Variants in HCLS1 observed in about 807,000 individuals in gnomAD.
The protein encoded by HCLS1 is hematopoietic cell-specific Lyn substrate 1, also known as hematopoietic lineage cell-specific protein.
Under a neutral mutation model 68.6 loss-of-function variants are expected in HCLS1, and 44 were observed. The ratio of observed to expected loss-of-function variants is 0.64; its 90% CI spans 0.50 to 0.82. HCLS1 has a LOEUF of 0.82. HCLS1 is among the 40% of genes least tolerant of loss of function. The pLI, the probability that HCLS1 is intolerant of heterozygous loss-of-function variation, is 0.00. For missense variants in HCLS1, 602 were observed against 612.1 expected, an observed-to-expected ratio of 0.98 and a Z score of 0.17; for synonymous variants, 217 against 225.8, an observed-to-expected ratio of 0.96 and a Z score of 0.35.
At chr3:121,638,108 C>A (rs1209995641) in intron 6 of HCLS1, among the ~76,000 whole-genome samples, 2 of 152,070 alleles carry the variant, frequency 1.3e-5, no homozygotes, top group African/African-American at 2.4e-5. Context: ...TAGAGTCTTG[C>A]TCTTTTGCTC....
chr3:121,648,267 G>A (rs1217902232), intron 3 of HCLS1, among the ~76,000 whole-genome samples: 4 of 152,122 alleles, frequency 2.6e-5, no homozygotes, highest in Non-Finnish European at 5.9e-5. Flanking sequence ...TTGATTTGAA[G>A]GGACACCTCT....
intron 11 of HCLS1, 23 bp downstream of exon 11, chr3:121,633,044 A>T: frequency 1.3e-6 from 2 of 1,508,922 alleles, no homozygotes; most frequent in Non-Finnish European, 1.8e-6. Context: ...GTGGGGGCAG[A>T]GAATCTTTGG....
chr3:121,660,122 C>T (rs1937960213), intron 1 of HCLS1, among the ~76,000 whole-genome samples: 1 of 152,184 alleles, frequency 6.6e-6, no homozygotes, highest in East Asian at 1.9e-4. Context: ...GACTAAGCCT[C>T]TGAGGGACCA....
intron 3 of HCLS1, chr3:121,657,049 TA>T (rs1937888461): frequency 4.7e-6 from 2 of 426,804 alleles, no homozygotes; most frequent in African/African-American, 2.0e-5. Context: ...TTGTTAGGTA[TA>T]AAAGATAGAT....
intron 7 of HCLS1, 49 bp downstream of exon 7, chr3:121,637,096 AG>A (rs1560138261): frequency 8.0e-7 from 1 of 1,249,272 alleles, no homozygotes; most frequent in South Asian, 1.2e-5. Context: ...AAAGGAAGGA[AG>A]GAGATCCCTG....
Position 121,634,412 on chromosome 3 carries a change from C to T in HCLS1, c.698G>A (p.Ser233Asn), listed in dbSNP as rs1268860206. 3.7e-6 allele frequency: 6 copies of T among 1,613,950 alleles called. No individual in the cohort carries two copies. Among genetic ancestry groups the T allele is most frequent in the Non-Finnish European group, 5.1e-6 (6 of 1,179,900 alleles). The change falls in exon 10 of 14, where the codon AGT (serine) becomes AAT (asparagine). Residue 233 changes from serine to asparagine, a missense_variant. Transcript: ENST00000314583. ...KKTTPIEAAS[S>N]GTRGLKAKFE... Reference sequence around the variant, plus strand: ...TTTCGCCTTCAGCCCACGGGTACCACTAGAAGCTGCAGACACAGGCAAGAA... The same window carrying T: ...TTTCGCCTTCAGCCCACGGGTACCATTAGAAGCTGCAGACACAGGCAAGAA...
Position 121,644,820 on chromosome 3 carries a change from T to C in HCLS1, c.397A>G (p.Lys133Glu). 1 of 1,609,636 alleles carries C rather than the reference T, an allele frequency of 6.2e-7. No homozygotes were observed. Among genetic ancestry groups the C allele is most frequent in the South Asian group, 1.1e-5 (1 of 90,978 alleles). ...KYGVERDRAD[K>E]SAVGFDYKGE... ...TGGGAGAGAGAGTGGTCACTTACCT[T>C]GTCTGCCCTGTCCCTCTCAACTCCG... The change falls in exon 5 of 14, where the codon AAG (lysine) becomes GAG (glutamate). Residue 133 changes from lysine to glutamate, a missense_variant and splice_region_variant. Coordinates refer to ENST00000314583, the MANE Select transcript of HCLS1 (RefSeq NM_005335.6).
At chr3:121,636,410 G>A (rs779275464) in intron 8 of HCLS1, 24 bp downstream of exon 8, 9 of 1,588,294 alleles carry the variant, frequency 5.7e-6, no homozygotes, top group Non-Finnish European at 6.9e-6. Context: ...CTCTTCTTAA[G>A]ACATTGGTGT....
At chr3:121,655,220 C>A (rs1225134818) in intron 3 of HCLS1, among the ~76,000 whole-genome samples, 1 of 152,104 alleles carries the variant, frequency 6.6e-6, no homozygotes, top group African/African-American at 2.4e-5. Flanking sequence ...ATCCAACAGT[C>A]CAGGTAGACA....
At chr3:121,654,560 G>A (rs1294649238) in intron 3 of HCLS1, among the ~76,000 whole-genome samples, 3 of 152,156 alleles carry the variant, frequency 2.0e-5, no homozygotes, top group African/African-American at 7.2e-5. Flanking sequence ...TTACAGAATG[G>A]ATAAGGGATG....
chr3:121,635,236 T>TC (rs1467892397), intron 9 of HCLS1, among the ~76,000 whole-genome samples: 18 of 89,820 alleles, frequency 2.0e-4, no homozygotes, highest in South Asian at 9.7e-4. Context: ...TTCTCTCCCT[T>TC]TTCTCTCTCT....
chr3:121,652,243 AGGGAAATTTTCATG>A (rs1937767022), intron 3 of HCLS1, among the ~76,000 whole-genome samples: 1 of 152,232 alleles, frequency 6.6e-6, no homozygotes, highest in Non-Finnish European at 1.5e-5. Flanking sequence ...AAAGAGGTGC[AGGGAAATTTTCATG>A]GTAATAGATA....
At chr3:121,651,981 A>G (rs1233790833) in intron 3 of HCLS1, among the ~76,000 whole-genome samples, 1 of 152,246 alleles carries the variant, frequency 6.6e-6, no homozygotes, top group Non-Finnish European at 1.5e-5. Flanking sequence ...CAAATTGTCA[A>G]TAATCCAAAT....
rs780446159 is a variant in HCLS1 at position 121,658,375 on chromosome 3, T to C, written c.1-28A>G. ...GAGAGTGACCGGAGATGGGAATAATTAGGGACAAAAAAGGATCAAGAGGAG... is the reference window on the plus strand; with the variant it reads ...GAGAGTGACCGGAGATGGGAATAATCAGGGACAAAAAAGGATCAAGAGGAG... On this transcript the variant is annotated intron_variant, in intron 1 of 13. Transcript: ENST00000314583. The C allele has an allele frequency of 5.1e-6, 8 of 1,554,580 alleles. No individual in the cohort carries two copies. The South Asian group carries it at 7.8e-5, about 15-fold the overall frequency.
At chr3:121,635,660 G>T in intron 9 of HCLS1, 75 bp downstream of exon 9, 1 of 1,143,516 alleles carries the variant, frequency 8.7e-7, no homozygotes, top group Non-Finnish European at 1.3e-6. Flanking sequence ...AAGGCATGGA[G>T]GATATAGTCT....
intron 3 of HCLS1, among the ~76,000 whole-genome samples, chr3:121,647,977 C>A (rs1276472306): frequency 6.6e-6 from 1 of 152,094 alleles, no homozygotes; most frequent in Non-Finnish European, 1.5e-5. Context: ...AACTAAGAAA[C>A]AATCTATATG....
intron 4 of HCLS1, among the ~76,000 whole-genome samples, chr3:121,646,721 T>A (rs1207271465): frequency 1.5e-5 from 2 of 129,686 alleles, no homozygotes; most frequent in Non-Finnish European, 3.1e-5. Flanking sequence ...ATTTATAACA[T>A]ATATAAAATA....
At chr3:121,658,932 C>T (rs767248555) in intron 1 of HCLS1, among the ~76,000 whole-genome samples, 1 of 152,194 alleles carries the variant, frequency 6.6e-6, no homozygotes, top group African/African-American at 2.4e-5. Flanking sequence ...GTAAGGTCAG[C>T]AGCGACAGTC....
intron 6 of HCLS1, among the ~76,000 whole-genome samples, chr3:121,638,815 A>G (rs373472447): frequency 2.9e-4 from 44 of 152,282 alleles, no homozygotes; most frequent in Non-Finnish European, 5.9e-4. Flanking sequence ...AAAGAACAAT[A>G]CCTTACATCA....
Sources: allele counts gnomAD v4.1 joint callset (sites outside exome capture counted in the v4.1 genomes callset), GRCh38; gene constraint gnomAD v4.1.1; transcripts MANE v1.5; gene names NCBI Gene and HGNC (gene_info 2026-07-23, HGNC 2026-07-21).